DLG1: variants seen among roughly 807,000 people sequenced by gnomAD.
The protein encoded by DLG1 is discs large MAGUK scaffold protein 1, also known as disks large homolog 1.
Under a neutral mutation model 123.4 loss-of-function variants are expected in DLG1, and 42 were observed. The observed-to-expected ratio is 0.34, with a 90% confidence interval of 0.27 to 0.44. The LOEUF (loss-of-function observed/expected upper bound fraction) is 0.44, where lower values mean the gene tolerates loss of function less well. DLG1 is among the 20% of genes least tolerant of loss of function. The pLI, the probability that DLG1 is intolerant of heterozygous loss-of-function variation, is 1.00. For synonymous variants in DLG1, 317 were observed against 356.2 expected (o/e 0.89, Z 1.24); for missense variants, 942 against 1,082.6 (o/e 0.87, Z 1.82).
chr3:197,096,337 A>G (rs1184310182), intron 14 of DLG1, among the ~76,000 whole-genome samples: 1 of 152,178 alleles, frequency 6.6e-6, no homozygotes, highest in Non-Finnish European at 1.5e-5. Flanking sequence ...AATTTGGTCA[A>G]TCTGAATTTG....
chr3:197,261,033 A>G lies in DLG1; in HGVS notation c.318+21646T>C, dbSNP rs571000711. ...CAAATTTTAACTTTACTGCCTTACT[A>G]AATCCATTTCACTGATCCCCCACAC... On this transcript the variant is annotated intron_variant, in intron 4 of 24. Coordinates refer to ENST00000667157, the MANE Select transcript of DLG1 (RefSeq NM_001366207.1). Among the ~76,000 whole-genome samples, 9 of 152,284 alleles carry G rather than the reference A, an allele frequency of 5.9e-5. No individual in the cohort carries two copies. The South Asian group carries it at 1.9e-3, about 32-fold the overall frequency.
intron 12 of DLG1, among the ~76,000 whole-genome samples, chr3:197,118,880 T>G (rs545151055): frequency 9.9e-5 from 15 of 152,126 alleles, no homozygotes; most frequent in Non-Finnish European, 2.2e-4. Context: ...GGATCACGCC[T>G]GTAATCTTAG....
At chr3:197,111,541 TTAAA>T (rs1021601290) in intron 13 of DLG1, among the ~76,000 whole-genome samples, 2 of 152,236 alleles carry the variant, frequency 1.3e-5, no homozygotes, top group Non-Finnish European at 2.9e-5. Context: ...ATACTGTAAC[TTAAA>T]TAAATTACAG....
rs768327685 is a variant in DLG1 at position 197,152,419 on chromosome 3, C to CTTTT, written c.484-2627_484-2624dup. ...CTGTCTTGGTTAAGGATCCCAAAGT[C>CTTTT]TTTTTTTTTTTTTTTTTTTTTGAGA... On this transcript the variant is annotated intron_variant, in intron 5 of 24. Coordinates refer to ENST00000667157, the MANE Select transcript of DLG1 (RefSeq NM_001366207.1). 4.6e-3 allele frequency among the ~76,000 whole-genome samples: 434 copies of CTTTT among 94,640 alleles called. 4 individuals carry two copies. Among genetic ancestry groups the CTTTT allele is most frequent in the Non-Finnish European group, 5.8e-3 (289 of 49,612 alleles). 62.1% of individuals were successfully genotyped at this position (94,640 alleles called of 152,430 possible). A position where few individuals can be genotyped will look rare whatever the true frequency, so the allele number is the denominator to read the frequency against.
chr3:197,222,996 C>T (rs1737937478), intron 4 of DLG1, among the ~76,000 whole-genome samples: 1 of 152,186 alleles, frequency 6.6e-6, no homozygotes, highest in Non-Finnish European at 1.5e-5. Flanking sequence ...GGACCTTAGG[C>T]TCCGGCCTCA....
chr3:197,154,239 T>C (rs765711315), intron 5 of DLG1, among the ~76,000 whole-genome samples: 20 of 151,268 alleles, frequency 1.3e-4, no homozygotes, highest in Non-Finnish European at 2.9e-5. Flanking sequence ...GAGGTGGAGG[T>C]TGCAATGAGC....
chr3:197,266,031 C>T (rs941706414), intron 4 of DLG1, among the ~76,000 whole-genome samples: 9 of 152,126 alleles, frequency 5.9e-5, no homozygotes, highest in African/African-American at 9.7e-5. Context: ...GCCTGGGCAA[C>T]GGGGCAAGAC....
At chr3:197,248,125 A>C (rs1752644632) in intron 4 of DLG1, among the ~76,000 whole-genome samples, 1 of 152,132 alleles carries the variant, frequency 6.6e-6, no homozygotes, top group South Asian at 2.1e-4. Flanking sequence ...CTCCAAGATA[A>C]CCTGACCACT....
At chr3:197,274,522 C>G (rs760890517) in intron 4 of DLG1, among the ~76,000 whole-genome samples, 10 of 152,070 alleles carry the variant, frequency 6.6e-5, no homozygotes, top group Non-Finnish European at 1.3e-4. Context: ...CGACACGATA[C>G]GATACGAAAA....
At position 197,159,963 on chromosome 3, in the gene DLG1, C is replaced by T. The variant is rs895293752; in HGVS notation, c.484-10167G>A. Among the ~76,000 whole-genome samples the T allele has an allele frequency of 2.0e-5, 3 of 152,096 alleles. No individual in the cohort carries two copies. The East Asian group carries it at 5.8e-4, about 29-fold the overall frequency. On this transcript the variant is annotated intron_variant, in intron 5 of 24. Transcript: ENST00000667157. ...GGGCGGCTAAGATTATGTGCCAGTACCTGACGTGCATTAAGCATCCTCTCC... is the reference window on the plus strand; with the variant it reads ...GGGCGGCTAAGATTATGTGCCAGTATCTGACGTGCATTAAGCATCCTCTCC...
intron 5 of DLG1, among the ~76,000 whole-genome samples, chr3:197,159,833 C>CT (rs1292368735): frequency 6.6e-6 from 1 of 152,118 alleles, no homozygotes; most frequent in Non-Finnish European, 1.5e-5. Context: ...ATAAATAGGT[C>CT]TTTTTTGTGT....
intron 6 of DLG1, among the ~76,000 whole-genome samples, chr3:197,144,288 C>A (rs1361699377): frequency 6.6e-6 from 1 of 152,056 alleles, no homozygotes; most frequent in Non-Finnish European, 1.5e-5. Flanking sequence ...TCTTTAGAAC[C>A]CAGCAGCTAT....
At chr3:197,186,446 T>C (rs535058736) in intron 5 of DLG1, among the ~76,000 whole-genome samples, 31 of 152,314 alleles carry the variant, frequency 2.0e-4, no homozygotes, top group Middle Eastern at 3.4e-3. Flanking sequence ...ACAAAGAATA[T>C]TCTTTTTTCC....
Position 197,168,718 on chromosome 3 carries a change from C to T in DLG1, c.484-18922G>A, listed in dbSNP as rs868311453. 2.0e-5 allele frequency among the ~76,000 whole-genome samples: 3 copies of T among 152,120 alleles called. No homozygotes were observed. The South Asian group carries it at 6.2e-4, about 32-fold the overall frequency. On this transcript the variant is annotated intron_variant, in intron 5 of 24. Coordinates refer to ENST00000667157, the MANE Select transcript of DLG1 (RefSeq NM_001366207.1). ...CTGTTATGCCATCATCCTTGTTTTG[C>T]TCCATTTGTATCACTCAATAAGATG... is the stretch of plus-strand genomic sequence containing the variant.
At chr3:197,202,464 A>G (rs1224169253) in intron 4 of DLG1, among the ~76,000 whole-genome samples, 2 of 152,238 alleles carry the variant, frequency 1.3e-5, no homozygotes, top group Non-Finnish European at 2.9e-5. Flanking sequence ...TCATGTCTTC[A>G]TGTATTTTAC....
At chr3:197,175,068 T>C (rs768338682) in intron 5 of DLG1, among the ~76,000 whole-genome samples, 2 of 152,216 alleles carry the variant, frequency 1.3e-5, no homozygotes, top group Non-Finnish European at 2.9e-5. Context: ...ATCTTTTAAA[T>C]AAATGCCTGG....
chr3:197,252,091 T>C (rs1341874495), intron 4 of DLG1, among the ~76,000 whole-genome samples: 6 of 152,166 alleles, frequency 3.9e-5, no homozygotes, highest in Admixed American at 3.3e-4. Context: ...AGTGTGCTAG[T>C]TGTCTCTCCT....
At chr3:197,067,214 A>G (rs1024364395) in intron 19 of DLG1, among the ~76,000 whole-genome samples, 117 of 152,152 alleles carry the variant, frequency 7.7e-4, no homozygotes, top group African/African-American at 2.7e-3. Context: ...TAAAATAATT[A>G]CATCTTAAAA....
intron 5 of DLG1, among the ~76,000 whole-genome samples, chr3:197,164,083 T>TCTAGAGC (rs1800068378): frequency 6.6e-6 from 1 of 152,002 alleles, no homozygotes; most frequent in Non-Finnish European, 1.5e-5. Flanking sequence ...GCAGTAAATA[T>TCTAGAGC]CTAGAGCTTT....
Sources: allele counts gnomAD v4.1 joint callset (sites outside exome capture counted in the v4.1 genomes callset), GRCh38; gene constraint gnomAD v4.1.1; transcripts MANE v1.5; gene names NCBI Gene and HGNC (gene_info 2026-07-23, HGNC 2026-07-21).